The following BIRC6 variants were observed in gnomAD, a reference collection of about 807,000 sequenced individuals.
BIRC6 encodes the protein baculoviral IAP repeat containing 6.
A neutral mutation model predicts 503.3 loss-of-function variants in BIRC6; 98 were observed. The observed-to-expected ratio is 0.19, with a 90% confidence interval of 0.17 to 0.23. BIRC6 has a LOEUF of 0.23. BIRC6 is among the 10% of genes least tolerant of loss of function. The probability of loss-of-function intolerance (pLI) is 1.00; values close to 1 mark genes in which losing one functional copy is unlikely to be tolerated. For missense variants in BIRC6, 5,360 were observed against 5,806.0 expected (o/e 0.92, Z 2.50); for synonymous variants, 2,240 against 2,078.7 (o/e 1.08, Z -2.11).
At chr2:32,548,097 C>G (rs1441750729) in intron 64 of BIRC6, 83 bp downstream of exon 64, 4 of 1,241,992 alleles carry the variant, frequency 3.2e-6, no homozygotes, top group Admixed American at 3.2e-5. Flanking sequence ...ACTAATCCAA[C>G]TTTCCTCAGC....
At chr2:32,606,921 C>T (rs1005387430) in intron 71 of BIRC6, among the ~76,000 whole-genome samples, 1 of 151,374 alleles carries the variant, frequency 6.6e-6, no homozygotes, top group African/African-American at 2.4e-5. Flanking sequence ...ACAGGAGAAT[C>T]GCTTGAATCT....
At chr2:32,473,870 TAGCTTTCCG>T (rs1388187114) in intron 33 of BIRC6, among the ~76,000 whole-genome samples, 1 of 151,338 alleles carries the variant, frequency 6.6e-6, no homozygotes, top group Non-Finnish European at 1.5e-5. Flanking sequence ...CCTCCCGCCT[TAGCTTTCCG>T]AGTAGCTGGG....
intron 42 of BIRC6, among the ~76,000 whole-genome samples, chr2:32,489,030 A>T (rs914604890): frequency 2.4e-4 from 35 of 145,032 alleles, no homozygotes; most frequent in South Asian, 4.4e-4. Flanking sequence ...GTTTTTTATT[A>T]TTTTTTTTTT....
At chr2:32,501,265 G>C (rs891937408) in intron 46 of BIRC6, among the ~76,000 whole-genome samples, 7 of 152,134 alleles carry the variant, frequency 4.6e-5, no homozygotes, top group African/African-American at 1.7e-4. Flanking sequence ...AGATTAAAAA[G>C]AATAGTTACA....
At chr2:32,494,461 C>G (rs974514203) in intron 45 of BIRC6, among the ~76,000 whole-genome samples, 2 of 151,166 alleles carry the variant, frequency 1.3e-5, no homozygotes, top group Non-Finnish European at 3.0e-5. Flanking sequence ...CTCCTGACCT[C>G]GTGATCCGCC....
chr2:32,401,555 G>A lies in BIRC6; in HGVS notation c.1350G>A (p.Arg450=). 6.2e-7 allele frequency: 1 copy of A among 1,614,000 alleles called. No individual in the cohort carries two copies. Among genetic ancestry groups the A allele is most frequent in the Non-Finnish European group, 8.5e-7 (1 of 1,179,888 alleles). ...ACCCAAGCTCAGGAGTTGATTCAAG[G>A]AGACCAACTTTGGCGTGGCTGGAGG... is the stretch of plus-strand genomic sequence containing the variant. ...SGDPSSGVDS[R]RPTLAWLEDS... Residue 450 remains arginine, a synonymous_variant, in exon 8 of 74, where the codon AGG becomes AGA. Transcript: ENST00000421745.
Position 32,467,561 on chromosome 2 carries a change from C to G in BIRC6, c.5393C>G (p.Pro1798Arg). 3 of 1,613,832 alleles carry G rather than the reference C, an allele frequency of 1.9e-6. No homozygotes were observed. Among genetic ancestry groups the G allele is most frequent in the South Asian group, 1.1e-5 (1 of 91,080 alleles). The change falls in exon 27 of 74, where the codon CCT becomes CGT. Residue 1798 changes from proline to arginine, a missense_variant. Pro to Arg is a moderately radical substitution (Grantham distance 103). Coordinates refer to ENST00000421745, the MANE Select transcript of BIRC6 (RefSeq NM_016252.4). ...RRFVTLDFGRPILLTDVLIPT... is the reference protein window; with the variant it reads ...RRFVTLDFGRRILLTDVLIPT... ...TTTGTGACCTTGGATTTTGGGAGGCCTATATTGTTGACTGATGTATTGATT... is the reference window on the plus strand; with the variant it reads ...TTTGTGACCTTGGATTTTGGGAGGCGTATATTGTTGACTGATGTATTGATT...
intron 6 of BIRC6, among the ~76,000 whole-genome samples, chr2:32,397,602 G>GTATATA (rs1558617004): frequency 2.2e-5 from 3 of 137,290 alleles, no homozygotes; most frequent in African/African-American, 8.6e-5. Flanking sequence ...GTGTGTGTGT[G>GTATATA]TGTATATATG....
At position 32,439,551 on chromosome 2, in the gene BIRC6, G is replaced by A. The variant is rs762919829; in HGVS notation, c.3675G>A (p.Lys1225=). 6.2e-7 allele frequency: 1 copy of A among 1,613,846 alleles called. No individual in the cohort carries two copies. The highest frequency in any genetic ancestry group is 8.5e-7 in the Non-Finnish European group (1 of 1,179,836). The part of the protein sequence containing the change: ...GKYRSFLIHV[K]AVNERGTEEI... ...ATCGTTCGTTTTTAATCCATGTCAA[G>A]GCAGTGAATGAAAGAGGAACAGAAG... Residue 1225 remains lysine, a synonymous_variant, in exon 16 of 74, where the codon AAG becomes AAA. Transcript: ENST00000421745.
Position 32,419,722 on chromosome 2 carries a change from TA to T in BIRC6, c.2872+3562del, listed in dbSNP as rs1456153945. Among the ~76,000 whole-genome samples, 6 of 152,310 alleles carry T rather than the reference TA, an allele frequency of 3.9e-5. No homozygotes were observed. In the East Asian group the frequency reaches 1.2e-3, roughly 29 times the overall value. On this transcript the variant is annotated intron_variant, in intron 10 of 73. Transcript: ENST00000421745. ...GAATATAAATATGACCCCAACAACA[TA>T]AAGCCTATATACCTGTACTGATATT...
chr2:32,528,264 C>G (rs2056444386), intron 59 of BIRC6: 1 of 151,732 alleles, frequency 6.6e-6, no homozygotes, highest in Admixed American at 6.6e-5. Flanking sequence ...ACTCTTGTTG[C>G]CCAGGCTGGA....
Position 32,388,814 on chromosome 2 carries a change from A to G in BIRC6, c.710A>G (p.Asn237Ser), listed in dbSNP as rs148958215. The G allele has an allele frequency of 4.6e-5, 74 of 1,613,310 alleles. No homozygotes were observed. Among genetic ancestry groups the G allele is most frequent in the Non-Finnish European group, 5.8e-5 (69 of 1,179,610 alleles). Reference sequence around the variant, plus strand: ...AAGTCCATTGCCAGTGCCATTGTAAATGAACTCAAGAAAATAAATCAAAAT... The same window carrying G: ...AAGTCCATTGCCAGTGCCATTGTAAGTGAACTCAAGAAAATAAATCAAAAT... Reference protein sequence around the residue: ...VLKSIASAIVNELKKINQNVA... With the variant: ...VLKSIASAIVSELKKINQNVA... Residue 237 changes from asparagine (N) to serine (S), a missense_variant, in exon 4 of 74, where the codon AAT becomes AGT. This residue lies in a region of BIRC6 where 134 missense variants were observed against 150.9 expected (regional missense o/e 0.89). Transcript: ENST00000421745.
chr2:32,596,830 A>G (rs2061708547), intron 68 of BIRC6, among the ~76,000 whole-genome samples: 1 of 152,210 alleles, frequency 6.6e-6, no homozygotes, highest in African/African-American at 2.4e-5. Flanking sequence ...TAGTTCTTTC[A>G]ATCCAGAAAG....
chr2:32,551,142 A>T (rs963852017), intron 65 of BIRC6, among the ~76,000 whole-genome samples: 59 of 151,974 alleles, frequency 3.9e-4, no homozygotes, highest in African/African-American at 1.3e-3. Flanking sequence ...CCTAAATGAT[A>T]TTAAATATGG....
At chr2:32,435,637 T>G (rs1294029507) in intron 14 of BIRC6, 52 bp downstream of exon 14, 1 of 1,491,280 alleles carries the variant, frequency 6.7e-7, no homozygotes, top group Non-Finnish European at 8.9e-7. Flanking sequence ...AGTAGTGATC[T>G]GAATGCAACA....
chr2:32,467,787 C>G, intron 27 of BIRC6, 48 bp downstream of exon 27: 1 of 1,510,932 alleles, frequency 6.6e-7, no homozygotes, highest in Non-Finnish European at 8.9e-7. Context: ...ATGTTTCTGA[C>G]AAGTTATGAA....
At chr2:32,420,341 A>G (rs376117575) in intron 10 of BIRC6, among the ~76,000 whole-genome samples, 2 of 151,944 alleles carry the variant, frequency 1.3e-5, no homozygotes, top group African/African-American at 2.4e-5. Context: ...TTGGGCCCAG[A>G]GATTTTTTTT....
intron 39 of BIRC6, among the ~76,000 whole-genome samples, chr2:32,483,812 C>A (rs567314605): frequency 6.6e-6 from 1 of 152,192 alleles, no homozygotes; most frequent in African/African-American, 2.4e-5. Flanking sequence ...ATGCTCCCCC[C>A]CAACATTTCA....
chr2:32,543,146 C>G, intron 61 of BIRC6, 95 bp from the exon 62 acceptor site: 1 of 1,299,694 alleles, frequency 7.7e-7, no homozygotes, highest in East Asian at 2.5e-5. Context: ...CCTTATAATC[C>G]TATATTTTAA....
Sources: gnomAD v4.1 joint callset for allele counts (sites outside exome capture counted in the v4.1 genomes callset) on GRCh38, gnomAD v4.1.1 for gene constraint, gnomAD v4.1.1 regional missense constraint, MANE v1.5 for transcripts, NCBI Gene and HGNC (gene_info 2026-07-23, HGNC 2026-07-21) for gene names.